Variants in ZNF12 observed in about 807,000 individuals in gnomAD.
ZNF12 encodes the protein gonadotropin inducible transcription repressor 3.
ZNF12 carries 34 observed loss-of-function variants against 66.6 expected under a neutral mutation model. That is an observed-to-expected ratio of 0.51 (90% confidence interval 0.39 to 0.68). ZNF12 has a LOEUF of 0.68. Ranked by LOEUF, ZNF12 falls within the 30% of genes least tolerant of loss-of-function variation. The probability of loss-of-function intolerance (pLI) is 0.00; values close to 1 mark genes in which losing one functional copy is unlikely to be tolerated. For synonymous variants in ZNF12, 320 were observed against 278.9 expected, an observed-to-expected ratio of 1.15 and a Z score of -1.47; for missense variants, 697 against 826.9, an observed-to-expected ratio of 0.84 and a Z score of 1.93.
rs528537377 is a variant in ZNF12 at position 6,692,325 on chromosome 7, A to T, written c.617T>A (p.Leu206His). Residue 206 changes from leucine to histidine, a missense_variant, in exon 5 of 5, where the codon CTT becomes CAT. Transcript: ENST00000405858. This position sits in a 1 kb window ranked among gnomAD's most constrained non-coding sequence, Gnocchi z 5.1. ...GEPYTLNEES[L>H]YQKIRILEKP... ...CTCCAAAATACGAATTTTCTGATAAAGACTTTCTTCATTTAGAGTATAAGG... is the reference window on the plus strand; with the variant it reads ...CTCCAAAATACGAATTTTCTGATAATGACTTTCTTCATTTAGAGTATAAGG... The T allele has an allele frequency of 1.2e-6, 2 of 1,609,806 alleles. No individual in the cohort carries two copies. The highest frequency in any genetic ancestry group is 1.7e-6 in the Non-Finnish European group (2 of 1,178,380).
Position 6,698,866 on chromosome 7 carries a change from C to A in ZNF12, c.16-1055G>T, listed in dbSNP as rs967211202. The stretch of plus-strand genomic sequence containing the variant: ...CCATTATAACTGTTTCCTTTAATAT[C>A]ATCCCCTCTAAAATAAAGAGAATAA... On this transcript the variant is annotated intron_variant, in intron 2 of 4. Transcript: ENST00000405858. The surrounding 1 kb of genome is among the most constrained non-coding windows in gnomAD (Gnocchi z 4.4). Among the ~76,000 whole-genome samples, 2 of 152,228 alleles carry A rather than the reference C, an allele frequency of 1.3e-5. No individual in the cohort carries two copies. Among genetic ancestry groups the A allele is most frequent in the Non-Finnish European group, 2.9e-5 (2 of 68,048 alleles).
rs923328717 is a variant in ZNF12, at chr7:6,690,301, A to T, written c.*547T>A. On this transcript the variant is annotated 3_prime_UTR_variant, in exon 5 of 5. Transcript: ENST00000405858. Reference sequence around the variant, plus strand: ...ACAATTCCTGTAATGTACTGTAATAAAAACAACCCTCTCCCCAAACATAAG... The same window carrying T: ...ACAATTCCTGTAATGTACTGTAATATAAACAACCCTCTCCCCAAACATAAG... 1 of 152,320 alleles carries T rather than the reference A, an allele frequency of 6.6e-6. No individual in the cohort carries two copies. The highest frequency in any genetic ancestry group is 1.5e-5 in the Non-Finnish European group (1 of 68,106). 9.4% of individuals were successfully genotyped at this position (152,320 alleles called of 1,614,324 possible). A position where few individuals can be genotyped will look rare whatever the true frequency, so the allele number is the denominator to read the frequency against.
At chr7:6,703,330 A>G (rs1279933896) in intron 2 of ZNF12, among the ~76,000 whole-genome samples, 1 of 152,200 alleles carries the variant, frequency 6.6e-6, no homozygotes, top group East Asian at 1.9e-4. Context: ...GGAGGAAAGT[A>G]GCAGTATAGA....
Position 6,697,634 on chromosome 7 carries a change from T to G in ZNF12, c.142+51A>C, listed in dbSNP as rs901859482. The G allele has an allele frequency of 2.5e-6, 4 of 1,608,082 alleles. No homozygotes were observed. The Admixed American group carries it at 6.7e-5, about 27-fold the overall frequency. ...AAATTTTAAGTTAAAGTCATAAAAT[T>G]TGTGAGAAATCCCATATATTTTAGC... On this transcript the variant is annotated intron_variant, in intron 3 of 4. Coordinates refer to ENST00000405858, the MANE Select transcript of ZNF12 (RefSeq NM_016265.4). This position sits in a 1 kb window ranked among gnomAD's most constrained non-coding sequence, Gnocchi z 6.1.
At position 6,696,587 on chromosome 7, in the gene ZNF12, A is replaced by G. The variant is rs1389753692; in HGVS notation, c.238+752T>C. On this transcript the variant is annotated intron_variant, in intron 4 of 4. Coordinates refer to ENST00000405858, the MANE Select transcript of ZNF12 (RefSeq NM_016265.4). This position sits in a 1 kb window ranked among gnomAD's most constrained non-coding sequence, Gnocchi z 4.0. ...ACTCATAATGCGAGGAAATCACAGT[A>G]GGTAGAAACAGACCCTTTAAAGACA... Among the ~76,000 whole-genome samples the G allele has an allele frequency of 2.0e-5, 3 of 152,224 alleles. No homozygotes were observed. The highest frequency in any genetic ancestry group is 6.5e-5 in the Admixed American group (1 of 15,272).
At position 6,690,389 on chromosome 7, in the gene ZNF12, A is replaced by C. The variant is rs938282465; in HGVS notation, c.*459T>G. ...GTTACCGACTTAACTAGCTATCCTGATGACTTTACAGTTTCTATTTACACA... is the reference window on the plus strand; with the variant it reads ...GTTACCGACTTAACTAGCTATCCTGCTGACTTTACAGTTTCTATTTACACA... On this transcript the variant is annotated 3_prime_UTR_variant, in exon 5 of 5. Transcript: ENST00000405858. 3 of 153,218 alleles carry C rather than the reference A, an allele frequency of 2.0e-5. No homozygotes were observed. Among genetic ancestry groups the C allele is most frequent in the Admixed American group, 6.5e-5 (1 of 15,386 alleles). The allele number at this position is 153,218 out of a possible 1,614,324, so 9.5% of individuals were successfully genotyped here.
rs747805953 is a variant in ZNF12, at chr7:6,698,785, A to T, written c.16-974T>A. On this transcript the variant is annotated intron_variant, in intron 2 of 4. Coordinates refer to ENST00000405858, the MANE Select transcript of ZNF12 (RefSeq NM_016265.4). This position sits in a 1 kb window ranked among gnomAD's most constrained non-coding sequence, Gnocchi z 4.4. The stretch of plus-strand genomic sequence containing the variant: ...CTGACCTGGAAACTGTCAAAACCAC[A>T]TCTATAAATGTGTATCTTTTGAATA... Among the ~76,000 whole-genome samples the T allele has an allele frequency of 6.6e-6, 1 of 152,208 alleles. No homozygotes were observed. Among genetic ancestry groups the T allele is most frequent in the Non-Finnish European group, 1.5e-5 (1 of 68,034 alleles).
Position 6,698,627 on chromosome 7 carries a change from CA to C in ZNF12, c.16-817del, listed in dbSNP as rs1162319212. On this transcript the variant is annotated intron_variant, in intron 2 of 4. Transcript: ENST00000405858. The surrounding 1 kb of genome is among the most constrained non-coding windows in gnomAD (Gnocchi z 4.4). ...ACCAAGCCTACAGCAGTTCAGAATG[CA>C]GCCTGTCACATGAATTATCAGTAAT... 6.6e-6 allele frequency among the ~76,000 whole-genome samples: 1 copy of C among 152,206 alleles called. No homozygotes were observed. Among genetic ancestry groups the C allele is most frequent in the African/African-American group, 2.4e-5 (1 of 41,450 alleles).
At position 6,688,960 on chromosome 7, in the gene ZNF12, C is replaced by T. The variant is rs1405424885; in HGVS notation, c.*1888G>A. On this transcript the variant is annotated 3_prime_UTR_variant, in exon 5 of 5. Transcript: ENST00000405858. The surrounding 1 kb of genome is among the most constrained non-coding windows in gnomAD (Gnocchi z 4.3). ...CAAGGAAGCATACATTTTATTGTTT[C>T]AAGTTGATTTCTAATGCTCAAACTA... The T allele has an allele frequency of 1.3e-5, 2 of 152,640 alleles. No homozygotes were observed. The highest frequency in any genetic ancestry group is 4.8e-5 in the African/African-American group (2 of 41,450). 9.5% of individuals were successfully genotyped at this position (152,640 alleles called of 1,614,324 possible). A position where few individuals can be genotyped will look rare whatever the true frequency, so the allele number is the denominator to read the frequency against.
rs1466553562 is a variant in ZNF12, at chr7:6,691,951, C to T, written c.991G>A (p.Gly331Arg). ...GEKPYECNEC[G>R]KNFYQKLHLI... The stretch of plus-strand genomic sequence containing the variant: ...TGTAACTTCTGGTAAAAGTTCTTCC[C>T]ACATTCATTACATTCATAGGGCTTC... The change falls in exon 5 of 5, where the codon GGG (glycine) becomes AGG (arginine). Residue 331 changes from glycine to arginine, a missense_variant. By Grantham distance (125) the Gly-to-Arg change is moderately radical (BLOSUM62 -2). This residue lies in a region of ZNF12 where 401 missense variants were observed against 519.0 expected (regional missense o/e 0.77). Transcript: ENST00000405858. The T allele has an allele frequency of 1.2e-6, 2 of 1,614,112 alleles. No individual in the cohort carries two copies. Among genetic ancestry groups the T allele is most frequent in the South Asian group, 2.2e-5 (2 of 91,076 alleles).
Position 6,696,092 on chromosome 7 carries a change from G to A in ZNF12, c.238+1247C>T, listed in dbSNP as rs527649291. On this transcript the variant is annotated intron_variant, in intron 4 of 4. Coordinates refer to ENST00000405858, the MANE Select transcript of ZNF12 (RefSeq NM_016265.4). The surrounding 1 kb of genome is among the most constrained non-coding windows in gnomAD (Gnocchi z 4.0). ...AACCAACTATAGGCTTATCTTGTGA[G>A]GCTAGCGATGATATCAACTGGAAAC... 6.6e-6 allele frequency among the ~76,000 whole-genome samples: 1 copy of A among 152,314 alleles called. No individual in the cohort carries two copies. The highest frequency in any genetic ancestry group is 2.1e-4 in the South Asian group (1 of 4,832).
rs1453668372 is a variant in ZNF12, at chr7:6,688,811, G to T, written c.*2037C>A. 2.0e-5 allele frequency: 3 copies of T among 152,534 alleles called. No homozygotes were observed. Among genetic ancestry groups the T allele is most frequent in the East Asian group, 1.9e-4 (1 of 5,198 alleles). 9.4% of individuals were successfully genotyped at this position (152,534 alleles called of 1,614,324 possible). ...TATGTTGTCAGCTAACACTGTAGCA[G>T]TGGTATATGAATCACATAAATTACC... On this transcript the variant is annotated 3_prime_UTR_variant, in exon 5 of 5. Transcript: ENST00000405858. The surrounding 1 kb of genome is among the most constrained non-coding windows in gnomAD (Gnocchi z 4.3).
At chr7:6,700,455 G>A (rs28366426) in intron 2 of ZNF12, among the ~76,000 whole-genome samples, 20,048 of 151,786 alleles carry the variant, frequency 0.13, 1,984 homozygotes, top group African/African-American at 0.28. Flanking sequence ...TTTCCATTAA[G>A]AGATTCTAAG....
chr7:6,702,433 CA>C, intron 2 of ZNF12, among the ~76,000 whole-genome samples: 1 of 93,576 alleles, frequency 1.1e-5, no homozygotes, highest in African/African-American at 4.9e-5. Context: ...CGCACGCACA[CA>C]CACCAGATTC....
intron 1 of ZNF12, among the ~76,000 whole-genome samples, chr7:6,706,060 G>A (rs1180444644): frequency 6.6e-6 from 1 of 152,188 alleles, no homozygotes; most frequent in African/African-American, 2.4e-5. Context: ...GAGGCAGCAA[G>A]AGATAGTTCC....
At position 6,706,894 on chromosome 7, in the gene ZNF12, G is replaced by A. The variant is rs1249211782; in HGVS notation, c.-513C>T. 2.4e-6 allele frequency: 1 copy of A among 409,210 alleles called. No homozygotes were observed. The highest frequency in any genetic ancestry group is 4.8e-6 in the Non-Finnish European group (1 of 206,628). The allele number at this position is 409,210 out of a possible 1,614,324, so 25.3% of individuals were successfully genotyped here. Reference sequence around the variant, plus strand: ...CGATTCTCGCCCACCGGAGGCCAAAGCCTGGGAACTAGGGCGAGCGGTGAC... The same window carrying A: ...CGATTCTCGCCCACCGGAGGCCAAAACCTGGGAACTAGGGCGAGCGGTGAC... On this transcript the variant is annotated 5_prime_UTR_variant, in exon 1 of 5. Transcript: ENST00000405858.
intron 4 of ZNF12, among the ~76,000 whole-genome samples, chr7:6,695,711 A>G (rs575428552): frequency 5.9e-5 from 9 of 152,370 alleles, no homozygotes; most frequent in Non-Finnish European, 1.0e-4. Flanking sequence ...TATAGACACT[A>G]TCGAATAACA....
chr7:6,692,754 T>G lies in ZNF12; in HGVS notation c.239-51A>C. 1 of 1,475,740 alleles carries G rather than the reference T, an allele frequency of 6.8e-7. No homozygotes were observed. Among genetic ancestry groups the G allele is most frequent in the Non-Finnish European group, 9.1e-7 (1 of 1,103,546 alleles). The allele number at this position is 1,475,740 out of a possible 1,614,324, so 91.4% of individuals were successfully genotyped here. ...TTTTGTACATCTTCCTATATATATA[T>G]GATATGGAATGAGATTCATGATTTG... On this transcript the variant is annotated intron_variant, in intron 4 of 4. Transcript: ENST00000405858. The surrounding 1 kb of genome is among the most constrained non-coding windows in gnomAD (Gnocchi z 5.1).
At position 6,692,696 on chromosome 7, in the gene ZNF12, G is replaced by A. The variant is rs749746233; in HGVS notation, c.246C>T (p.Val82=). 3 of 1,570,288 alleles carry A rather than the reference G, an allele frequency of 1.9e-6. No individual in the cohort carries two copies. Among genetic ancestry groups the A allele is most frequent in the East Asian group, 2.3e-5 (1 of 44,414 alleles). ...TCTCTATTAGGTCATCAGTTTGCCA[G>A]ACTTCATCTAAAGAGAGACAAAATT... ...EFLLQSYPDE[V]WQTDDLIERI... Residue 82 remains valine, a synonymous_variant, in exon 5 of 5, where the codon GTC becomes GTT. Coordinates refer to ENST00000405858, the MANE Select transcript of ZNF12 (RefSeq NM_016265.4). This position sits in a 1 kb window ranked among gnomAD's most constrained non-coding sequence, Gnocchi z 5.1.
Sources: allele counts gnomAD v4.1 joint callset (sites outside exome capture counted in the v4.1 genomes callset), GRCh38; gene constraint gnomAD v4.1.1; regional missense constraint gnomAD v4.1.1; non-coding constraint Gnocchi (gnomAD v3.1); transcripts MANE v1.5; gene names NCBI Gene and HGNC (gene_info 2026-07-23, HGNC 2026-07-21).